The following PCDHGA1 variants were observed in gnomAD, a reference collection of about 807,000 sequenced individuals.
The protein encoded by PCDHGA1 is protocadherin gamma subfamily A, 1, also known as protocadherin gamma-A1.
PCDHGA1 carries 32 observed loss-of-function variants against 58.0 expected under a neutral mutation model. The observed-to-expected ratio is 0.55, with a 90% CI of 0.42 to 0.74. PCDHGA1 has a LOEUF of 0.74. Among genes scored for constraint, PCDHGA1 ranks in the 30% least tolerant of loss-of-function variants. The pLI is 0.00. For missense variants in PCDHGA1, 1,205 were observed against 1,182.3 expected (o/e 1.02, Z -0.28); for synonymous variants, 498 against 501.1 (o/e 0.99, Z 0.08).
At chr5:141,466,457 A>G (rs969935541) in intron 1 of PCDHGA1, among the ~76,000 whole-genome samples, 12 of 152,146 alleles carry the variant, frequency 7.9e-5, no homozygotes, top group Admixed American at 6.6e-4. Context: ...GGTGTTGGCT[A>G]TTGTTTCTGC....
intron 1 of PCDHGA1, chr5:141,442,416 T>A (rs2098323395): frequency 6.6e-6 from 1 of 152,206 alleles, no homozygotes; most frequent in Non-Finnish European, 1.5e-5. Flanking sequence ...CTGAGTGAAC[T>A]TCTTTTTTGA....
rs763582836 is a variant in PCDHGA1 at position 141,404,442 on chromosome 5, A to G, written c.2421+71337A>G. Reference sequence around the variant, plus strand: ...TACTCCTTGGCAGAGGATACCATCCAAGGGTCTCCTCTCTCCACCTATGTC... The same window carrying G: ...TACTCCTTGGCAGAGGATACCATCCGAGGGTCTCCTCTCTCCACCTATGTC... On this transcript the variant is annotated intron_variant, in intron 1 of 3. Transcript: ENST00000517417. 21 of 1,610,906 alleles carry G rather than the reference A, an allele frequency of 1.3e-5. No homozygotes were observed. In the Admixed American group the frequency reaches 3.5e-4, roughly 27 times the overall value.
At chr5:141,399,378 C>T (rs368139061) in intron 1 of PCDHGA1, 1,186 of 1,613,874 alleles carry the variant, frequency 7.3e-4, no homozygotes, top group Non-Finnish European at 9.6e-4. Flanking sequence ...ACAATGTCAC[C>T]ATCACAGCCA....
rs1419819549 is a variant in PCDHGA1 at position 141,405,132 on chromosome 5, C to T, written c.2421+72027C>T. ...TGGCACTCCTCGCATCTGCTGCGGG[C>T]TACCAGTGATGGGTTGGCTGGTGTG... On this transcript the variant is annotated intron_variant, in intron 1 of 3. Transcript: ENST00000517417. 2 of 1,614,032 alleles carry T rather than the reference C, an allele frequency of 1.2e-6. No individual in the cohort carries two copies. Among genetic ancestry groups the T allele is most frequent in the East Asian group, 4.5e-5 (2 of 44,860 alleles).
chr5:141,372,307 C>T, intron 1 of PCDHGA1: 3 of 1,613,452 alleles, frequency 1.9e-6, no homozygotes, highest in Non-Finnish European at 2.5e-6. Context: ...AGGGAGGCCG[C>T]CCGCCAGCGC....
At chr5:141,384,734 G>T (rs1780422653) in intron 1 of PCDHGA1, 1 of 1,613,988 alleles carries the variant, frequency 6.2e-7, no homozygotes. Flanking sequence ...CTTAAGGCCA[G>T]CGAGCCAGGA....
At chr5:141,463,460 T>TTC (rs573961569) in intron 1 of PCDHGA1, among the ~76,000 whole-genome samples, 28 of 136,126 alleles carry the variant, frequency 2.1e-4, no homozygotes, top group Admixed American at 4.4e-4. Context: ...TTTTTTTTTT[T>TTC]TTTTTTGAGA....
intron 1 of PCDHGA1, chr5:141,352,587 T>C: frequency 6.2e-7 from 1 of 1,613,654 alleles, no homozygotes; most frequent in Non-Finnish European, 8.5e-7. Flanking sequence ...CCTCAGGATC[T>C]GCTGTGTGAT....
chr5:141,359,214 T>C (rs1406319381), intron 1 of PCDHGA1, among the ~76,000 whole-genome samples: 1 of 152,134 alleles, frequency 6.6e-6, no homozygotes, highest in Non-Finnish European at 1.5e-5. Context: ...GAGAGACAAC[T>C]TACATCTGAG....
chr5:141,454,798 T>A (rs866302149), intron 1 of PCDHGA1, among the ~76,000 whole-genome samples: 2 of 58,950 alleles, frequency 3.4e-5, no homozygotes, highest in Non-Finnish European at 6.4e-5. Context: ...TGGTTCTAAT[T>A]TTTTTTTTTT....
At chr5:141,370,668 C>A in intron 1 of PCDHGA1, 5 of 1,613,762 alleles carry the variant, frequency 3.1e-6, no homozygotes, top group Middle Eastern at 3.3e-4. Flanking sequence ...CCGTATAGAC[C>A]GAGAGGAGAT....
At chr5:141,372,612 C>G in intron 1 of PCDHGA1, 1 of 1,614,004 alleles carries the variant, frequency 6.2e-7, no homozygotes, top group Non-Finnish European at 8.5e-7. Flanking sequence ...ACCTGGAGTT[C>G]TCCCCACCTA....
At chr5:141,479,486 A>T (rs72790065) in intron 1 of PCDHGA1, 21,264 of 152,292 alleles carry the variant, frequency 0.14, 1,529 homozygotes, top group Admixed American at 0.16. Context: ...GGGCAGGACC[A>T]TCAGGTTGCC....
chr5:141,394,855 C>T (rs1201168639), intron 1 of PCDHGA1: 2 of 1,613,778 alleles, frequency 1.2e-6, no homozygotes, highest in African/African-American at 1.3e-5. Context: ...CTGAAGCCTT[C>T]GGTCGACCCG....
At chr5:141,344,170 G>A (rs1588457781) in intron 1 of PCDHGA1, 4 of 1,614,010 alleles carry the variant, frequency 2.5e-6, no homozygotes, top group African/African-American at 2.7e-5. Context: ...TCCTTCGTGG[G>A]CAACATCGCT....
chr5:141,428,050 T>C (rs1222417053), intron 1 of PCDHGA1: 1 of 1,608,844 alleles, frequency 6.2e-7, no homozygotes, highest in Non-Finnish European at 8.5e-7. Flanking sequence ...GTGACCAAGG[T>C]GGTGGCGGTG....
intron 1 of PCDHGA1, chr5:141,413,439 G>A (rs747331348): frequency 1.1e-4 from 179 of 1,613,988 alleles, no homozygotes; most frequent in Non-Finnish European, 1.4e-4. Flanking sequence ...GCGGCAGCTT[G>A]ATCACCGCGG....
chr5:141,389,048 T>C, intron 1 of PCDHGA1: 1 of 1,613,976 alleles, frequency 6.2e-7, no homozygotes, highest in East Asian at 2.2e-5. Context: ...AAGGTGATGT[T>C]CCATTTAAAA....
At chr5:141,469,886 T>A (rs766990419) in intron 1 of PCDHGA1, among the ~76,000 whole-genome samples, 4 of 152,208 alleles carry the variant, frequency 2.6e-5, no homozygotes, top group Non-Finnish European at 4.4e-5. Context: ...ATCTCGGCAC[T>A]TTGGGAAGCC....
Sources: gnomAD v4.1 joint callset for allele counts (sites outside exome capture counted in the v4.1 genomes callset) on GRCh38, gnomAD v4.1.1 for gene constraint, MANE v1.5 for transcripts, NCBI Gene and HGNC (gene_info 2026-07-23, HGNC 2026-07-21) for gene names.